GNAO1: variants seen among roughly 807,000 people sequenced by gnomAD.
GNAO1 encodes the protein G protein subunit alpha o1.
For synonymous variants in GNAO1, 164 were observed against 180.7 expected (o/e 0.91, Z 0.74); for missense variants, 166 against 478.7 (o/e 0.35, Z 6.10).
intron 4 of GNAO1, among the ~76,000 whole-genome samples, chr16:56,331,369 A>G (rs1412483634): frequency 6.6e-6 from 1 of 152,156 alleles, no homozygotes; most frequent in South Asian, 2.1e-4. Context: ...CCTCAAATCC[A>G]GTTCCCCACT....
Position 56,313,309 on chromosome 16 carries a change from G to A in GNAO1, c.304-15322G>A, listed in dbSNP as rs537721764. On this transcript the variant is annotated intron_variant, in intron 3 of 8. Transcript: ENST00000262493. ...GGACCCCAGTAAGCATTTTGTTTAT[G>A]TAGGTTATATCTATCAATTTTTATT... Among the ~76,000 whole-genome samples the A allele has an allele frequency of 2.7e-5, 4 of 146,302 alleles. No homozygotes were observed. In the South Asian group the frequency reaches 8.3e-4, roughly 30 times the overall value.
At chr16:56,303,065 A>G (rs1487291743) in intron 3 of GNAO1, among the ~76,000 whole-genome samples, 2 of 152,228 alleles carry the variant, frequency 1.3e-5, no homozygotes, top group East Asian at 3.9e-4. Flanking sequence ...CCCCGGCCTG[A>G]AACGGGACCT....
Position 56,228,571 on chromosome 16 carries a change from A to G in GNAO1, c.161+35955A>G, listed in dbSNP as rs560480286. On this transcript the variant is annotated intron_variant, in intron 2 of 8. Coordinates refer to ENST00000262493, the MANE Select transcript of GNAO1 (RefSeq NM_020988.3). ...ATGTGATGTTTTCTTCTGTGCCCCT[A>G]TGGATCCTGACTCACACCTTGAGCT... Among the ~76,000 whole-genome samples, 20 of 152,272 alleles carry G rather than the reference A, an allele frequency of 1.3e-4. No individual in the cohort carries two copies. In the South Asian group the frequency reaches 1.7e-3, roughly 13 times the overall value.
In GNAO1 at chr16:56,217,771, G is replaced by T. The variant is rs537713841; in HGVS notation, c.161+25155G>T. On this transcript the variant is annotated intron_variant, in intron 2 of 8. Coordinates refer to ENST00000262493, the MANE Select transcript of GNAO1 (RefSeq NM_020988.3). ...TGTCCAAGTTCACTCTCTTAGGGTT[G>T]AGCCAGGATGTGATCCTGAGAGCTT... Among the ~76,000 whole-genome samples, 19 of 152,348 alleles carry T rather than the reference G, an allele frequency of 1.2e-4. 1 individual carries two copies. The South Asian group carries it at 3.9e-3, about 32-fold the overall frequency.
chr16:56,223,435 T>C (rs940262217), intron 2 of GNAO1, among the ~76,000 whole-genome samples: 3 of 152,252 alleles, frequency 2.0e-5, no homozygotes, highest in African/African-American at 7.2e-5. Context: ...AAAGGTTCTC[T>C]GCTTTTAAGG....
intron 2 of GNAO1, among the ~76,000 whole-genome samples, chr16:56,201,406 A>G (rs2036280833): frequency 6.6e-6 from 1 of 152,226 alleles, no homozygotes; most frequent in Non-Finnish European, 1.5e-5. Context: ...GAGGAGTGTT[A>G]AGAAATGAGG....
At chr16:56,344,963 T>TTG (rs1336068600) in intron 6 of GNAO1, 1 of 982,256 alleles carries the variant, frequency 1.0e-6, no homozygotes, top group Non-Finnish European at 1.2e-6. Context: ...TTCACAGCCG[T>TTG]TGGTGTCTTC....
intron 2 of GNAO1, among the ~76,000 whole-genome samples, chr16:56,231,814 C>G (rs2036590882): frequency 6.6e-6 from 1 of 152,192 alleles, no homozygotes; most frequent in East Asian, 1.9e-4. Context: ...CCCAAGGGCC[C>G]TCTACTCCTC....
intron 8 of GNAO1, 151 bp downstream of exon 8, chr16:56,355,232 T>G: frequency 4.9e-6 from 1 of 203,460 alleles, no homozygotes; most frequent in Admixed American, 5.9e-5. Flanking sequence ...TATATACAAA[T>G]ATATATTTAA....
chr16:56,344,970 C>T (rs760069605), intron 6 of GNAO1: 37 of 982,280 alleles, frequency 3.8e-5, no homozygotes, highest in Non-Finnish European at 4.5e-5. Context: ...CCGTTGGTGT[C>T]TTCCCAGCCC....
At chr16:56,296,421 A>G (rs1448437860) in intron 3 of GNAO1, among the ~76,000 whole-genome samples, 1 of 152,184 alleles carries the variant, frequency 6.6e-6, no homozygotes, top group Non-Finnish European at 1.5e-5. Flanking sequence ...CTTGTTTCCC[A>G]TGTGGAGTTG....
At chr16:56,220,326 C>T (rs1295300464) in intron 2 of GNAO1, among the ~76,000 whole-genome samples, 1 of 152,178 alleles carries the variant, frequency 6.6e-6, no homozygotes, top group East Asian at 1.9e-4. Context: ...TCAGAATGTG[C>T]TTTCAGAGAT....
intron 2 of GNAO1, chr16:56,226,641 A>G (rs2036535610): frequency 6.6e-6 from 1 of 152,238 alleles, no homozygotes. Context: ...TGCTCTGGCC[A>G]TGTTAATTTT....
intron 6 of GNAO1, among the ~76,000 whole-genome samples, chr16:56,350,342 C>T (rs2037908979): frequency 6.6e-6 from 1 of 152,154 alleles, no homozygotes; most frequent in East Asian, 1.9e-4. Context: ...AGGGCTAGGA[C>T]AGGGTTCTTG....
intron 3 of GNAO1, among the ~76,000 whole-genome samples, chr16:56,278,903 G>C (rs1395651725): frequency 6.6e-6 from 1 of 152,122 alleles, no homozygotes; most frequent in Non-Finnish European, 1.5e-5. Flanking sequence ...CCTGAGCCCA[G>C]TGCTGGGTCC....
chr16:56,226,663 T>G (rs1195801999), intron 2 of GNAO1: 5 of 152,254 alleles, frequency 3.3e-5, no homozygotes, highest in Admixed American at 2.6e-4. Context: ...AAATGCACAT[T>G]AGATATCTAT....
At chr16:56,252,872 C>G (rs866493788) in intron 2 of GNAO1, among the ~76,000 whole-genome samples, 4 of 152,260 alleles carry the variant, frequency 2.6e-5, no homozygotes, top group Non-Finnish European at 2.9e-5. Context: ...GCCTGTCCCC[C>G]CCACCAACCC....
At chr16:56,332,969 G>A (rs1035322307) in intron 4 of GNAO1, among the ~76,000 whole-genome samples, 5 of 152,214 alleles carry the variant, frequency 3.3e-5, no homozygotes, top group Admixed American at 6.5e-5. Context: ...CCACTGGCTG[G>A]CGAGGAGGCT....
intron 8 of GNAO1, 53 bp downstream of exon 8, chr16:56,355,134 A>T: frequency 3.2e-6 from 2 of 623,130 alleles, no homozygotes; most frequent in Non-Finnish European, 5.5e-6. Flanking sequence ...ATACACACAC[A>T]CACACACACA....
Sources: allele counts gnomAD v4.1 joint callset (sites outside exome capture counted in the v4.1 genomes callset), GRCh38; gene constraint gnomAD v4.1.1; transcripts MANE v1.5; gene names NCBI Gene and HGNC (gene_info 2026-07-23, HGNC 2026-07-21).